The following PRELID2 variants were observed in gnomAD, a reference collection of about 807,000 sequenced individuals.
PRELID2 encodes the protein PRELI domain containing 2, also known as PRELI domain-containing protein 2.
A neutral mutation model predicts 28.4 loss-of-function variants in PRELID2; 25 were observed. The ratio of observed to expected loss-of-function variants is 0.88; its 90% CI spans 0.64 to 1.23. PRELID2 has a LOEUF of 1.23. Among genes scored for constraint, PRELID2 ranks in the 50% most tolerant of loss-of-function variants. The probability of loss-of-function intolerance (pLI) is 0.00; values close to 1 mark genes in which losing one functional copy is unlikely to be tolerated. For synonymous variants in PRELID2, 76 were observed against 71.6 expected (o/e 1.06, Z -0.31); for missense variants, 201 against 214.4 (o/e 0.94, Z 0.39).
At chr5:145,625,556 A>G (rs1401619809) in intron 1 of PRELID2, among the ~76,000 whole-genome samples, 1 of 152,166 alleles carries the variant, frequency 6.6e-6, no homozygotes, top group African/African-American at 2.4e-5. Context: ...AAATTCCAAT[A>G]AAAATCCAAC....
the PRELID2 span, among the ~76,000 whole-genome samples, chr5:145,387,792 C>T: frequency 6.6e-6 from 1 of 151,894 alleles, no homozygotes; most frequent in African/African-American, 2.4e-5. Context: ...ATTAGCTGGG[C>T]ATGGTGGAGC....
chr5:145,800,846 C>T (rs1753088547), intron 4 of PRELID2, among the ~76,000 whole-genome samples: 1 of 152,144 alleles, frequency 6.6e-6, no homozygotes, highest in African/African-American at 2.4e-5. Context: ...ACTCTTCTTA[C>T]TACAAATAGC....
intron 1 of PRELID2, among the ~76,000 whole-genome samples, chr5:145,627,089 G>T: frequency 1.5e-5 from 1 of 67,600 alleles, no homozygotes; most frequent in East Asian, 6.1e-4. Flanking sequence ...GACAGAGTAA[G>T]ACTCTCCCAA....
At chr5:145,464,213 T>C in the PRELID2 span, among the ~76,000 whole-genome samples, 6 of 151,536 alleles carry the variant, frequency 4.0e-5, no homozygotes, top group Non-Finnish European at 8.9e-5. Flanking sequence ...CCAGATAGAG[T>C]TGAGAAAAGC....
chr5:145,771,717 T>C (rs952421995), intron 5 of PRELID2, among the ~76,000 whole-genome samples: 4 of 151,824 alleles, frequency 2.6e-5, no homozygotes, highest in Non-Finnish European at 5.9e-5. Context: ...TAGCTGGGTG[T>C]GGTGACGCAT....
chr5:145,808,417 G>C (rs1413928035), intron 4 of PRELID2, among the ~76,000 whole-genome samples: 1 of 152,066 alleles, frequency 6.6e-6, no homozygotes. Flanking sequence ...TGCCCAATTA[G>C]CCCTCAGCAC....
At chr5:145,606,419 C>G (rs968287478) in intron 1 of PRELID2, among the ~76,000 whole-genome samples, 8 of 151,950 alleles carry the variant, frequency 5.3e-5, no homozygotes, top group African/African-American at 1.9e-4. Context: ...ATGGATGGCT[C>G]TTATTATTTT....
chr5:145,832,073 C>T (rs1400614682), intron 1 of PRELID2, among the ~76,000 whole-genome samples: 4 of 152,174 alleles, frequency 2.6e-5, no homozygotes, highest in East Asian at 3.8e-4. Flanking sequence ...TAACACACAT[C>T]AAAGTTATAT....
chr5:145,259,047 G>A, the PRELID2 span, among the ~76,000 whole-genome samples: 2 of 152,210 alleles, frequency 1.3e-5, no homozygotes, highest in Admixed American at 6.5e-5. Flanking sequence ...TTCAGAAAGT[G>A]CAAGACATAA....
the PRELID2 span, among the ~76,000 whole-genome samples, chr5:145,314,664 T>C: frequency 3.3e-5 from 5 of 152,158 alleles, no homozygotes; most frequent in East Asian, 7.7e-4. Context: ...ATTATTTAGA[T>C]TTTGCCATAG....
At chr5:145,602,734 C>T (rs951965165) in intron 1 of PRELID2, among the ~76,000 whole-genome samples, 1 of 151,668 alleles carries the variant, frequency 6.6e-6, no homozygotes, top group Non-Finnish European at 1.5e-5. Flanking sequence ...AGGTTTAAGA[C>T]CAGATTAAAC....
At chr5:145,313,508 T>G in the PRELID2 span, among the ~76,000 whole-genome samples, 1 of 151,802 alleles carries the variant, frequency 6.6e-6, no homozygotes, top group Non-Finnish European at 1.5e-5. Context: ...GGCAAAAACT[T>G]TTCCTGCATC....
At chr5:145,269,005 T>C in the PRELID2 span, among the ~76,000 whole-genome samples, 1 of 152,062 alleles carries the variant, frequency 6.6e-6, no homozygotes, top group Non-Finnish European at 1.5e-5. Flanking sequence ...TGCTAAGAAC[T>C]AAAACAGCAT....
At chr5:145,779,473 A>C (rs1272520704) in intron 5 of PRELID2, among the ~76,000 whole-genome samples, 1 of 152,098 alleles carries the variant, frequency 6.6e-6, no homozygotes, top group Non-Finnish European at 1.5e-5. Context: ...TTAATGAAAT[A>C]TTATATAATC....
chr5:145,663,792 T>G (rs910649244), intron 1 of PRELID2, among the ~76,000 whole-genome samples: 5 of 152,118 alleles, frequency 3.3e-5, no homozygotes, highest in Non-Finnish European at 4.4e-5. Flanking sequence ...TTTGTAAAAC[T>G]GGCAAGTAAC....
chr5:145,549,828 C>A (rs1010632221), intron 1 of PRELID2, among the ~76,000 whole-genome samples: 2 of 151,824 alleles, frequency 1.3e-5, no homozygotes, highest in East Asian at 1.9e-4. Context: ...TACAAGTAAC[C>A]ACTGAATATA....
the PRELID2 span, among the ~76,000 whole-genome samples, chr5:145,245,554 T>C: frequency 6.6e-6 from 1 of 151,954 alleles, no homozygotes; most frequent in Non-Finnish European, 1.5e-5. Flanking sequence ...TTCCCTAGGG[T>C]GCCTGCAGTT....
intron 1 of PRELID2, among the ~76,000 whole-genome samples, chr5:145,719,954 ATCT>A (rs1336583064): frequency 1.3e-5 from 2 of 151,964 alleles, no homozygotes; most frequent in Non-Finnish European, 2.9e-5. Context: ...AAAAAAAGAA[ATCT>A]TCTCAGAAAA....
At chr5:145,431,006 G>GTTT in the PRELID2 span, among the ~76,000 whole-genome samples, 166 of 55,534 alleles carry the variant, frequency 3.0e-3, 15 homozygotes, top group African/African-American at 4.0e-3. Flanking sequence ...CCTGGCAATG[G>GTTT]TTTTTTTTTT....
Sources: allele counts gnomAD v4.1 joint callset (sites outside exome capture counted in the v4.1 genomes callset), GRCh38; gene constraint gnomAD v4.1.1; transcripts MANE v1.5; gene names NCBI Gene and HGNC (gene_info 2026-07-23, HGNC 2026-07-21).